Variants in SRC observed in about 807,000 individuals in gnomAD.
SRC encodes SRC proto-oncogene, non-receptor tyrosine kinase.
In SRC, 13 loss-of-function variants were observed where a neutral mutation model predicts 62.9. The ratio of observed to expected loss-of-function variants is 0.21; its 90% CI spans 0.13 to 0.33. SRC has a LOEUF of 0.33. Ranked by LOEUF, SRC falls within the 10% of genes least tolerant of loss-of-function variation. SRC has a pLI of 1.00. For synonymous variants in SRC, 302 were observed against 317.5 expected, an observed-to-expected ratio of 0.95 and a Z score of 0.52; for missense variants, 457 against 737.3, an observed-to-expected ratio of 0.62 and a Z score of 4.40.
At position 37,362,577 on chromosome 20, in the gene SRC, C is replaced by A. The variant is rs372493551; in HGVS notation, c.-246-2627C>A. On this transcript the variant is annotated intron_variant, in intron 1 of 13. Coordinates refer to ENST00000373578, the MANE Select transcript of SRC (RefSeq NM_198291.3). ...TTGCTGTGTGACCAAGGCCCGGCAG[C>A]CCCCTTCTCTGAGCCTTAGCCTCCT... is the stretch of plus-strand genomic sequence containing the variant. Among the ~76,000 whole-genome samples the A allele has an allele frequency of 2.3e-4, 35 of 152,274 alleles. No homozygotes were observed. In the South Asian group the frequency reaches 6.8e-3, roughly 30 times the overall value.
chr20:37,403,166 C>G lies in SRC; in HGVS notation c.1403-5C>G. ...CGGGCTCCCCATGCCTCGCTCTGCCCACAGGGATGGTGAACCGCGAGGTGC... is the reference window on the plus strand; with the variant it reads ...CGGGCTCCCCATGCCTCGCTCTGCCGACAGGGATGGTGAACCGCGAGGTGC... On this transcript the variant is annotated splice_region_variant and splice_polypyrimidine_tract_variant and intron_variant, in intron 13 of 13. Coordinates refer to ENST00000373578, the MANE Select transcript of SRC (RefSeq NM_198291.3). The surrounding 1 kb of genome is among the most constrained non-coding windows in gnomAD (Gnocchi z 7.1). 1 of 1,537,128 alleles carries G rather than the reference C, an allele frequency of 6.5e-7. No homozygotes were observed. The highest frequency in any genetic ancestry group is 1.2e-5 in the South Asian group (1 of 83,928).
chr20:37,389,792 C>T (rs192886720), intron 5 of SRC, among the ~76,000 whole-genome samples: 1,640 of 152,314 alleles, frequency 0.011, 13 homozygotes, highest in Non-Finnish European at 0.019. Context: ...TGCTTGAGGT[C>T]ACACAGCTGG....
intron 1 of SRC, among the ~76,000 whole-genome samples, chr20:37,355,647 T>C (rs1373190907): frequency 6.6e-6 from 1 of 152,154 alleles, no homozygotes; most frequent in East Asian, 1.9e-4. Context: ...TATGGCACGA[T>C]GGGGTAGGGG....
At chr20:37,389,057 C>T (rs907061164) in intron 5 of SRC, among the ~76,000 whole-genome samples, 7 of 152,070 alleles carry the variant, frequency 4.6e-5, no homozygotes, top group East Asian at 1.9e-4. Flanking sequence ...AGGAGGAACC[C>T]GTCTGTGGAT....
chr20:37,370,639 C>A (rs1209500999), intron 2 of SRC, among the ~76,000 whole-genome samples: 1 of 152,160 alleles, frequency 6.6e-6, no homozygotes, highest in African/African-American at 2.4e-5. Context: ...GCATCTAATT[C>A]TTTTCATATG....
chr20:37,380,631 G>T (rs1345056106), intron 2 of SRC, among the ~76,000 whole-genome samples: 1 of 152,130 alleles, frequency 6.6e-6, no homozygotes, highest in Non-Finnish European at 1.5e-5. Context: ...TGTCTATTCT[G>T]CAAATAGTTC....
At chr20:37,349,867 G>A (rs927299193) in intron 1 of SRC, among the ~76,000 whole-genome samples, 8 of 152,204 alleles carry the variant, frequency 5.3e-5, no homozygotes, top group African/African-American at 1.7e-4. Flanking sequence ...CCCCAGCCCC[G>A]CTTCTTCGAA....
intron 1 of SRC, among the ~76,000 whole-genome samples, chr20:37,363,157 G>C (rs76509707): frequency 0.028 from 4,295 of 152,328 alleles, 81 homozygotes; most frequent in Middle Eastern, 0.061. Flanking sequence ...TCCCTGACAA[G>C]ACACTGTGGG....
intron 1 of SRC, among the ~76,000 whole-genome samples, chr20:37,361,039 G>A (rs901162635): frequency 1.3e-5 from 2 of 152,164 alleles, no homozygotes; most frequent in African/African-American, 4.8e-5. Context: ...CAGCTTGTGG[G>A]GGGGCAGGCA....
chr20:37,395,855 A>G (rs1259003765), intron 7 of SRC, among the ~76,000 whole-genome samples: 5 of 152,222 alleles, frequency 3.3e-5, no homozygotes, highest in Non-Finnish European at 7.3e-5. Context: ...TGTGCAGAGG[A>G]GGAAACTGAG....
At chr20:37,361,141 G>T (rs527321470) in intron 1 of SRC, among the ~76,000 whole-genome samples, 1 of 152,162 alleles carries the variant, frequency 6.6e-6, no homozygotes, top group African/African-American at 2.4e-5. Context: ...AGCTTAGGGG[G>T]GGAAGAATAT....
chr20:37,389,903 A>G (rs376035049), intron 5 of SRC, among the ~76,000 whole-genome samples: 2 of 152,090 alleles, frequency 1.3e-5, no homozygotes, highest in Admixed American at 1.3e-4. Flanking sequence ...TGCCCACCTG[A>G]TGAGGACCAG....
chr20:37,375,982 G>C (rs751820615), intron 2 of SRC, among the ~76,000 whole-genome samples: 14 of 152,134 alleles, frequency 9.2e-5, no homozygotes, highest in Non-Finnish European at 1.8e-4. Flanking sequence ...CCCGTCATAA[G>C]GACTCCATCC....
intron 5 of SRC, among the ~76,000 whole-genome samples, chr20:37,389,865 G>A (rs1408305643): frequency 4.6e-5 from 7 of 152,158 alleles, no homozygotes; most frequent in Non-Finnish European, 7.4e-5. Flanking sequence ...GCCATGGGTG[G>A]GAAGGCTTCC....
At chr20:37,363,191 C>T (rs765270463) in intron 1 of SRC, among the ~76,000 whole-genome samples, 4 of 152,212 alleles carry the variant, frequency 2.6e-5, no homozygotes, top group Non-Finnish European at 4.4e-5. Flanking sequence ...CTCTGACCGC[C>T]GGCTCCCAGG....
At chr20:37,399,548 C>CTT (rs112296863) in intron 9 of SRC, among the ~76,000 whole-genome samples, 4 of 141,396 alleles carry the variant, frequency 2.8e-5, no homozygotes, top group African/African-American at 7.8e-5. Context: ...CTTTTTAGGA[C>CTT]TTTTTTTTTT....
chr20:37,396,535 C>T lies in SRC; in HGVS notation c.703+224C>T. 1.6e-6 allele frequency: 1 copy of T among 621,652 alleles called. No individual in the cohort carries two copies. Among genetic ancestry groups the T allele is most frequent in the East Asian group, 2.8e-5 (1 of 35,346 alleles). The allele number at this position is 621,652 out of a possible 1,614,324, so 38.5% of individuals were successfully genotyped here. ...CCCCCTCCTCCCTGTCCCCCTCTCT[C>T]CCTGCTCCACGCAGTGTCCCACTGC... On this transcript the variant is annotated intron_variant, in intron 8 of 13. Transcript: ENST00000373578. This position sits in a 1 kb window ranked among gnomAD's most constrained non-coding sequence, Gnocchi z 6.1.
Position 37,396,086 on chromosome 20 carries a change from C to A in SRC, c.554-76C>A, listed in dbSNP as rs1241717651. The A allele has an allele frequency of 4.5e-6, 7 of 1,559,170 alleles. No homozygotes were observed. The highest frequency in any genetic ancestry group is 5.2e-6 in the Non-Finnish European group (6 of 1,153,838). Reference sequence around the variant, plus strand: ...TCCCTTCCCTCCAATGTCAGGCAGGCACAGAACGGTGTCCAGAGCAGCGGC... The same window carrying A: ...TCCCTTCCCTCCAATGTCAGGCAGGAACAGAACGGTGTCCAGAGCAGCGGC... On this transcript the variant is annotated intron_variant, in intron 7 of 13. Transcript: ENST00000373578. This position sits in a 1 kb window ranked among gnomAD's most constrained non-coding sequence, Gnocchi z 6.1.
chr20:37,401,468 C>T (rs1915056664), intron 10 of SRC, 134 bp from the exon 11 acceptor site: 1 of 634,794 alleles, frequency 1.6e-6, no homozygotes, highest in Non-Finnish European at 2.8e-6. Context: ...AGACTTTATT[C>T]AGAGATGAGT....
Sources: allele counts gnomAD v4.1 joint callset (sites outside exome capture counted in the v4.1 genomes callset), GRCh38; gene constraint gnomAD v4.1.1; non-coding constraint Gnocchi (gnomAD v3.1); transcripts MANE v1.5; gene names NCBI Gene and HGNC (gene_info 2026-07-23, HGNC 2026-07-21).